The following NFATC1 variants were observed in gnomAD, a reference collection of about 807,000 sequenced individuals.
The protein encoded by NFATC1 is nuclear factor of activated T cells 1.
In NFATC1, 22 loss-of-function variants were observed where a neutral mutation model predicts 76.0. The observed-to-expected ratio is 0.29, with a 90% confidence interval of 0.21 to 0.41. The LOEUF (loss-of-function observed/expected upper bound fraction) is 0.41, where lower values mean the gene tolerates loss of function less well. Among genes scored for constraint, NFATC1 ranks in the 10% least tolerant of loss-of-function variants. NFATC1 has a pLI of 1.00. For missense variants in NFATC1, 1,357 were observed against 1,337.7 expected (o/e 1.01, Z -0.23); for synonymous variants, 704 against 613.1 (o/e 1.15, Z -2.19).
chr18:79,494,360 C>G (rs1401101343), intron 9 of NFATC1, among the ~76,000 whole-genome samples: 3 of 111,578 alleles, frequency 2.7e-5, no homozygotes, highest in African/African-American at 9.8e-5. Flanking sequence ...CACACGCCCC[C>G]CATCGACCTG....
rs528538401 is a variant in NFATC1 at position 79,474,339 on chromosome 18, T to C, written c.2092+6757T>C. The stretch of plus-strand genomic sequence containing the variant: ...GAGGGAAGCGTGTTCTCGCGCTCAC[T>C]GTCGACGTTGTAAACCTGAGGGAAG... On this transcript the variant is annotated intron_variant, in intron 8 of 9. Coordinates refer to ENST00000427363, the MANE Select transcript of NFATC1 (RefSeq NM_001278669.2). Among the ~76,000 whole-genome samples the C allele has an allele frequency of 5.9e-4, 86 of 146,606 alleles. 1 individual carries two copies. Among genetic ancestry groups the C allele is most frequent in the Non-Finnish European group, 1.2e-3 (77 of 66,834 alleles).
At chr18:79,399,433 C>A (rs1020724337) in intron 1 of NFATC1, among the ~76,000 whole-genome samples, 1 of 152,248 alleles carries the variant, frequency 6.6e-6, no homozygotes, top group African/African-American at 2.4e-5. Context: ...GCCGGCTCCC[C>A]TCCGCCCTCA....
intron 3 of NFATC1, among the ~76,000 whole-genome samples, chr18:79,436,131 T>C (rs2086766163): frequency 6.6e-6 from 1 of 152,216 alleles, no homozygotes; most frequent in Admixed American, 6.5e-5. Flanking sequence ...CCGTGGAAGC[T>C]CCTCGTAACC....
Position 79,451,924 on chromosome 18 carries a change from C to T in NFATC1, c.1903+108C>T, listed in dbSNP as rs116404108. ...CCTGTGCACGGTCACCGGGACGGGG[C>T]TTATGGGGTGTGGCACGGAGCAGAG... On this transcript the variant is annotated intron_variant, in intron 6 of 9. Transcript: ENST00000427363. 2,835 of 1,380,974 alleles carry T rather than the reference C, an allele frequency of 2.1e-3. 30 individuals are homozygous for T. The African/African-American group carries it at 0.031, about 15-fold the overall frequency. 85.5% of individuals were successfully genotyped at this position (1,380,974 alleles called of 1,614,324 possible).
At chr18:79,461,901 T>TC (rs1425065674) in intron 7 of NFATC1, among the ~76,000 whole-genome samples, 2 of 152,158 alleles carry the variant, frequency 1.3e-5, no homozygotes, top group Admixed American at 1.3e-4. Flanking sequence ...TGTGATGGTG[T>TC]CCCAAGCACA....
chr18:79,461,450 C>CAGCCTCCCA, intron 7 of NFATC1, 84 bp downstream of exon 7: 3 of 1,382,298 alleles, frequency 2.2e-6, no homozygotes, highest in Non-Finnish European at 3.1e-6. Context: ...TGCGGGTCCC[C>CAGCCTCCCA]AGGCCTTGGG....
chr18:79,418,807 GC>G (rs1272734092), intron 2 of NFATC1, among the ~76,000 whole-genome samples: 1 of 152,220 alleles, frequency 6.6e-6, no homozygotes, highest in Non-Finnish European at 1.5e-5. Flanking sequence ...CACTTGGAGG[GC>G]GGGGTTTGCA....
At chr18:79,503,209 C>T (rs536557395) in intron 9 of NFATC1, among the ~76,000 whole-genome samples, 4 of 152,196 alleles carry the variant, frequency 2.6e-5, no homozygotes, top group Non-Finnish European at 5.9e-5. Context: ...AATCCACACA[C>T]GAGACCACAG....
chr18:79,519,829 A>T (rs1454640544), intron 9 of NFATC1, among the ~76,000 whole-genome samples: 1 of 152,182 alleles, frequency 6.6e-6, no homozygotes, highest in Non-Finnish European at 1.5e-5. Flanking sequence ...TTCCTCTTGC[A>T]GCTTAAAGTG....
chr18:79,510,886 GCATCCTCCGCCGGGA>G (rs2090231423), intron 9 of NFATC1, among the ~76,000 whole-genome samples: 1 of 124,544 alleles, frequency 8.0e-6, no homozygotes, highest in African/African-American at 2.9e-5. Context: ...TTCCGCCGGG[GCATCCTCCGCCGGGA>G]CATCCTCCAC....
At chr18:79,400,259 G>GGGCGGA in intron 1 of NFATC1, 1 of 1,170,830 alleles carries the variant, frequency 8.5e-7, no homozygotes, top group Non-Finnish European at 1.1e-6. Flanking sequence ...ACGCCCCGGG[G>GGGCGGA]GGCGGGGGCG....
At chr18:79,477,556 G>A (rs1216249235) in intron 8 of NFATC1, among the ~76,000 whole-genome samples, 1 of 149,520 alleles carries the variant, frequency 6.7e-6, no homozygotes, top group Admixed American at 6.6e-5. Flanking sequence ...AGCACTACCG[G>A]CCGTACTGTT....
At chr18:79,405,944 G>A (rs960552052) in intron 1 of NFATC1, among the ~76,000 whole-genome samples, 1 of 152,128 alleles carries the variant, frequency 6.6e-6, no homozygotes, top group African/African-American at 2.4e-5. Context: ...CTGGGCCCCC[G>A]TCACAGAAAC....
intron 9 of NFATC1, among the ~76,000 whole-genome samples, chr18:79,516,714 A>G (rs1168195054): frequency 6.6e-6 from 1 of 152,188 alleles, no homozygotes; most frequent in African/African-American, 2.4e-5. Context: ...TAAAAAACCC[A>G]CATGAGAGGC....
At chr18:79,401,012 A>G (rs1183468940) in intron 1 of NFATC1, among the ~76,000 whole-genome samples, 1 of 118,636 alleles carries the variant, frequency 8.4e-6, no homozygotes, top group Non-Finnish European at 1.8e-5. Flanking sequence ...CCAGCTTTCA[A>G]GTTTACCCGG....
intron 7 of NFATC1, 57 bp downstream of exon 7, chr18:79,461,423 G>T: frequency 6.3e-7 from 1 of 1,598,456 alleles, no homozygotes. Context: ...TGGGAGGCTG[G>T]GGTCTGCTGG....
At position 79,410,920 on chromosome 18, in the gene NFATC1, G is replaced by C. The variant is rs747539706; in HGVS notation, c.645G>C (p.Thr215=). ...CTCCCTGCGTGTCTCCCAAGACCAC[G>C]GACCCCGAGGAGGGCTTTCCCCGCG... ...WQSPCVSPKT[T]DPEEGFPRGL... The change falls in exon 2 of 10, where the codon ACG becomes ACC. Residue 215 remains threonine, a synonymous_variant. Transcript: ENST00000427363. The surrounding 1 kb of genome is among the most constrained non-coding windows in gnomAD (Gnocchi z 6.7). 11 of 1,605,804 alleles carry C rather than the reference G, an allele frequency of 6.9e-6. No homozygotes were observed. The South Asian group carries it at 1.2e-4, about 18-fold the overall frequency.
intron 1 of NFATC1, among the ~76,000 whole-genome samples, chr18:79,407,961 T>C (rs1336196020): frequency 6.6e-6 from 1 of 150,970 alleles, no homozygotes; most frequent in African/African-American, 2.4e-5. Flanking sequence ...TGGTCGCACC[T>C]GTGAGGTGTG....
chr18:79,419,958 T>C (rs1457042475), intron 2 of NFATC1, among the ~76,000 whole-genome samples: 1 of 152,250 alleles, frequency 6.6e-6, no homozygotes, highest in African/African-American at 2.4e-5. Context: ...TGGGATTTTC[T>C]TTTTTATAAG....
Sources: allele counts gnomAD v4.1 joint callset (sites outside exome capture counted in the v4.1 genomes callset), GRCh38; gene constraint gnomAD v4.1.1; non-coding constraint Gnocchi (gnomAD v3.1); transcripts MANE v1.5; gene names NCBI Gene and HGNC (gene_info 2026-07-23, HGNC 2026-07-21).